Variants in BDKRB2 observed in about 807,000 individuals in gnomAD.
The protein encoded by BDKRB2 is B2 bradykinin receptor.
Under a neutral mutation model 4.0 loss-of-function variants are expected in BDKRB2, and 6 were observed. The observed-to-expected ratio is 1.49, with a 90% CI of 0.81 to 2.93. The LOEUF is 2.93. BDKRB2 is among the 30% of genes most tolerant of loss of function. BDKRB2 has a pLI of 0.00. For missense variants in BDKRB2, 478 were observed against 520.1 expected, an observed-to-expected ratio of 0.92 and a Z score of 0.79; for synonymous variants, 225 against 215.3, an observed-to-expected ratio of 1.05 and a Z score of -0.40.
At position 96,241,659 on chromosome 14, in the gene BDKRB2, C is replaced by T. The variant is rs991804346; in HGVS notation, c.*155C>T. 6.1e-6 allele frequency: 8 copies of T among 1,311,034 alleles called. No individual in the cohort carries two copies. Among genetic ancestry groups the T allele is most frequent in the Non-Finnish European group, 7.0e-6 (7 of 1,005,726 alleles). The allele number at this position is 1,311,034 out of a possible 1,614,324, so 81.2% of individuals were successfully genotyped here. ...ACACCGGAGACTAATTCCTGCCCTGCCCAATTTTGCAGGGAGCATGGCTGT... is the reference window on the plus strand; with the variant it reads ...ACACCGGAGACTAATTCCTGCCCTGTCCAATTTTGCAGGGAGCATGGCTGT... On this transcript the variant is annotated 3_prime_UTR_variant, in exon 3 of 3. Transcript: ENST00000554311.
At chr14:96,238,223 G>C (rs1890982422) in intron 2 of BDKRB2, 1 of 591,576 alleles carries the variant, frequency 1.7e-6, no homozygotes, top group Non-Finnish European at 2.1e-6. Flanking sequence ...CTTTCAAGGT[G>C]GCAAGTTGGT....
At chr14:96,222,736 T>A (rs1890604888) in intron 1 of BDKRB2, among the ~76,000 whole-genome samples, 1 of 152,056 alleles carries the variant, frequency 6.6e-6, no homozygotes, top group African/African-American at 2.4e-5. Flanking sequence ...TAAGTGTAAA[T>A]ACACACTAGA....
At position 96,204,923 on chromosome 14, in the gene BDKRB2, A is replaced by G; in HGVS notation, c.-76A>G. On this transcript the variant is annotated 5_prime_UTR_variant, in exon 1 of 3. Coordinates refer to ENST00000554311, the MANE Select transcript of BDKRB2 (RefSeq NM_001379692.1). ...ATCAGGCTGCCCCGCAGTACCAGGGAGCGACTGAAGTGCCCATGCCGCTTG... is the reference window on the plus strand; with the variant it reads ...ATCAGGCTGCCCCGCAGTACCAGGGGGCGACTGAAGTGCCCATGCCGCTTG... 3.4e-6 allele frequency: 1 copy of G among 294,556 alleles called. No homozygotes were observed. The allele number at this position is 294,556 out of a possible 1,614,324, so 18.2% of individuals were successfully genotyped here.
chr14:96,236,677 C>T (rs1890942289), intron 1 of BDKRB2, among the ~76,000 whole-genome samples: 1 of 152,180 alleles, frequency 6.6e-6, no homozygotes, highest in African/African-American at 2.4e-5. Flanking sequence ...ATATTCACAC[C>T]AAGCGCCTTC....
At chr14:96,235,347 CAAAAAAAAAAAAAA>C (rs60409238) in intron 1 of BDKRB2, among the ~76,000 whole-genome samples, 1 of 67,224 alleles carries the variant, frequency 1.5e-5, no homozygotes, top group East Asian at 4.5e-4. Flanking sequence ...GACTCCGTCT[CAAAAAAAAAAAAAA>C]AAAAAAAAAA....
chr14:96,205,649 A>G (rs1890161823), intron 1 of BDKRB2, among the ~76,000 whole-genome samples: 1 of 151,004 alleles, frequency 6.6e-6, no homozygotes, highest in Non-Finnish European at 1.5e-5. Context: ...CATCCGGCCC[A>G]GGTTGCAGCT....
intron 1 of BDKRB2, among the ~76,000 whole-genome samples, chr14:96,236,104 G>C (rs1398529054): frequency 6.6e-6 from 1 of 152,168 alleles, no homozygotes; most frequent in Non-Finnish European, 1.5e-5. Flanking sequence ...GTCAATGGAA[G>C]CCCCTTGGGC....
intron 1 of BDKRB2, 103 bp downstream of exon 1, chr14:96,205,062 T>A (rs1283631562): frequency 6.1e-6 from 1 of 163,438 alleles, no homozygotes; most frequent in African/African-American, 2.4e-5. Context: ...GGGGAGAAGT[T>A]TCCCTGTGGT....
At chr14:96,229,097 A>T (rs1345433047) in intron 1 of BDKRB2, among the ~76,000 whole-genome samples, 1 of 152,062 alleles carries the variant, frequency 6.6e-6, no homozygotes, top group African/African-American at 2.4e-5. Flanking sequence ...AGAAATAAGG[A>T]TCACACCCTG....
At chr14:96,231,365 G>A (rs1033726049) in intron 1 of BDKRB2, among the ~76,000 whole-genome samples, 6 of 152,130 alleles carry the variant, frequency 3.9e-5, no homozygotes, top group Non-Finnish European at 5.9e-5. Context: ...CCAGAACCCC[G>A]TCTTCCCCCT....
rs200209656 is a variant in BDKRB2, at chr14:96,223,204, C to T, written c.-39-13865C>T. ...GCCCAAGGACATAGCCAAGCTGGTC[C>T]CTAAAACCCATTTGATGTCTGAATC... On this transcript the variant is annotated intron_variant, in intron 1 of 2. Transcript: ENST00000554311. The T allele has an allele frequency of 7.2e-4, 807 of 1,125,396 alleles. 1 individual carries two copies. Among genetic ancestry groups the T allele is most frequent in the Middle Eastern group, 8.6e-4 (3 of 3,494 alleles). 69.7% of individuals were successfully genotyped at this position (1,125,396 alleles called of 1,614,324 possible). A position where few individuals can be genotyped will look rare whatever the true frequency, so the allele number is the denominator to read the frequency against.
chr14:96,227,983 C>T (rs2139785995), intron 1 of BDKRB2, among the ~76,000 whole-genome samples: 1 of 152,318 alleles, frequency 6.6e-6, no homozygotes, highest in South Asian at 2.1e-4. Context: ...TCCAAGCTGC[C>T]CCCTGCACAG....
chr14:96,227,414 G>A (rs1391655815), intron 1 of BDKRB2, among the ~76,000 whole-genome samples: 2 of 152,096 alleles, frequency 1.3e-5, no homozygotes, highest in Non-Finnish European at 2.9e-5. Context: ...GTGGGAGCTG[G>A]GCTTCTGATA....
At chr14:96,212,361 C>T (rs1266243079) in intron 1 of BDKRB2, among the ~76,000 whole-genome samples, 1 of 151,756 alleles carries the variant, frequency 6.6e-6, no homozygotes, top group East Asian at 1.9e-4. Context: ...GGGGATGAGT[C>T]ATGCCTTTAA....
chr14:96,240,228 A>G, intron 2 of BDKRB2, 175 bp from the exon 3 acceptor site: 2 of 1,309,824 alleles, frequency 1.5e-6, no homozygotes. Flanking sequence ...GGGGCTCTGT[A>G]AGACCCAGGG....
At chr14:96,232,902 C>T (rs1370695639) in intron 1 of BDKRB2, among the ~76,000 whole-genome samples, 5 of 152,142 alleles carry the variant, frequency 3.3e-5, no homozygotes, top group Non-Finnish European at 5.9e-5. Context: ...TCTCCACTTC[C>T]GAGTTCTTGG....
At chr14:96,223,803 G>T (rs982047731) in intron 1 of BDKRB2, among the ~76,000 whole-genome samples, 1 of 151,490 alleles carries the variant, frequency 6.6e-6, no homozygotes, top group Non-Finnish European at 1.5e-5. Flanking sequence ...GATTAACAAG[G>T]AAGTTTTTAT....
chr14:96,223,216 T>C (rs924904089), intron 1 of BDKRB2: 2 of 1,111,856 alleles, frequency 1.8e-6, no homozygotes, highest in Non-Finnish European at 1.4e-6. Context: ...TAAAACCCAT[T>C]TGATGTCTGA....
intron 1 of BDKRB2, among the ~76,000 whole-genome samples, chr14:96,224,307 A>G (rs1271204672): frequency 6.6e-6 from 1 of 152,126 alleles, no homozygotes; most frequent in Non-Finnish European, 1.5e-5. Context: ...AAGAACCATC[A>G]TCTCCACCTG....
Sources: allele counts gnomAD v4.1 joint callset (sites outside exome capture counted in the v4.1 genomes callset), GRCh38; gene constraint gnomAD v4.1.1; transcripts MANE v1.5; gene names NCBI Gene and HGNC (gene_info 2026-07-23, HGNC 2026-07-21).